Variants in PCNX1 observed in about 807,000 individuals in gnomAD.
The protein encoded by PCNX1 is pecanex 1.
Under a neutral mutation model 242.2 loss-of-function variants are expected in PCNX1, and 78 were observed. The ratio of observed to expected loss-of-function variants is 0.32; its 90% CI spans 0.27 to 0.39. PCNX1 has a LOEUF of 0.39. Among genes scored for constraint, PCNX1 ranks in the 10% least tolerant of loss-of-function variants. PCNX1 has a pLI of 1.00. For missense variants in PCNX1, 2,581 were observed against 2,856.5 expected, an observed-to-expected ratio of 0.90 and a Z score of 2.20; for synonymous variants, 1,024 against 1,032.9, an observed-to-expected ratio of 0.99 and a Z score of 0.17.
intron 1 of PCNX1, among the ~76,000 whole-genome samples, chr14:70,912,026 G>T (rs1472066416): frequency 6.6e-6 from 1 of 152,072 alleles, no homozygotes; most frequent in Non-Finnish European, 1.5e-5. Context: ...ACGAGGTCAG[G>T]AGATCCAGAC....
At chr14:70,974,541 T>C (rs761500098) in intron 5 of PCNX1, among the ~76,000 whole-genome samples, 45 of 152,214 alleles carry the variant, frequency 3.0e-4, no homozygotes, top group Non-Finnish European at 6.2e-4. Flanking sequence ...AATCGTTATT[T>C]ATAGGACATT....
chr14:71,031,631 A>G (rs535334927), intron 16 of PCNX1: 5 of 631,922 alleles, frequency 7.9e-6, no homozygotes, highest in Admixed American at 2.1e-5. Flanking sequence ...CTGCAGCTCA[A>G]CAGCTCTGTG....
intron 30 of PCNX1, among the ~76,000 whole-genome samples, chr14:71,097,953 A>G (rs2062340116): frequency 6.6e-6 from 1 of 152,136 alleles, no homozygotes; most frequent in Non-Finnish European, 1.5e-5. Context: ...TCTTGAGTTA[A>G]TATTTGTATA....
rs1297824810 is a variant in PCNX1, at chr14:71,112,433, C to T, written c.*2498C>T. 6.6e-6 allele frequency: 1 copy of T among 151,678 alleles called. No individual in the cohort carries two copies. The highest frequency in any genetic ancestry group is 1.5e-5 in the Non-Finnish European group (1 of 67,884). 9.4% of individuals were successfully genotyped at this position (151,678 alleles called of 1,614,324 possible). On this transcript the variant is annotated 3_prime_UTR_variant, in exon 36 of 36. Transcript: ENST00000304743. ...TAAATTAGGAACCCTGAGAAGAAGC[C>T]CTGTTGTTTTTCTTAAGAGTCTAAA...
At chr14:71,040,355 A>G (rs989414861) in intron 19 of PCNX1, among the ~76,000 whole-genome samples, 1 of 152,058 alleles carries the variant, frequency 6.6e-6, no homozygotes, top group African/African-American at 2.4e-5. Flanking sequence ...TATGTAGATA[A>G]CTTTTTTTCT....
Position 71,019,096 on chromosome 14 carries a change from C to T in PCNX1, c.3084C>T (p.Phe1028=), listed in dbSNP as rs370994879. The T allele has an allele frequency of 3.7e-6, 6 of 1,613,444 alleles. No individual in the cohort carries two copies. The highest frequency in any genetic ancestry group is 5.1e-6 in the Non-Finnish European group (6 of 1,179,580). ...FLGSILLIQG[F]FRDIWVFQFC... ...GATCTATTCTTCTCATACAAGGATT[C>T]TTCAGAGATATCTGGGTCTTCCAGT... Residue 1028 remains phenylalanine, a synonymous_variant, in exon 12 of 36, where the codon TTC becomes TTT. Transcript: ENST00000304743.
At chr14:71,015,872 A>G (rs2059949998) in intron 11 of PCNX1, among the ~76,000 whole-genome samples, 1 of 152,142 alleles carries the variant, frequency 6.6e-6, no homozygotes, top group Non-Finnish European at 1.5e-5. Flanking sequence ...ACTCAACTCC[A>G]AGCTGCCTAC....
At chr14:71,046,487 A>G (rs1057291360) in intron 20 of PCNX1, among the ~76,000 whole-genome samples, 1 of 152,008 alleles carries the variant, frequency 6.6e-6, no homozygotes. Context: ...AGGTGATGCT[A>G]TTTTCAGATA....
In PCNX1 at chr14:71,113,413, T is replaced by C. The variant is rs1255167836; in HGVS notation, c.*3478T>C. On this transcript the variant is annotated 3_prime_UTR_variant, in exon 36 of 36. Transcript: ENST00000304743. ...TGTAAGTTTTTGTGTAGAAAACCCA[T>C]TAAGAAGATGTGTTTTTCTTTCTGA... 6.6e-6 allele frequency: 1 copy of C among 152,668 alleles called. No individual in the cohort carries two copies. The highest frequency in any genetic ancestry group is 1.5e-5 in the Non-Finnish European group (1 of 68,040). The allele number at this position is 152,668 out of a possible 1,614,324, so 9.5% of individuals were successfully genotyped here.
At chr14:70,943,990 A>C (rs985801969) in intron 1 of PCNX1, among the ~76,000 whole-genome samples, 5 of 152,150 alleles carry the variant, frequency 3.3e-5, no homozygotes, top group Non-Finnish European at 7.3e-5. Context: ...ATTTCAGAGG[A>C]TGTATGGAAG....
chr14:70,923,100 A>ACG (rs997822931), intron 1 of PCNX1, among the ~76,000 whole-genome samples: 3 of 92,032 alleles, frequency 3.3e-5, no homozygotes, highest in Non-Finnish European at 7.6e-5. Flanking sequence ...CCTAGTAGAC[A>ACG]CACACACGTC....
chr14:70,914,738 G>A (rs2056079232), intron 1 of PCNX1, among the ~76,000 whole-genome samples: 1 of 152,184 alleles, frequency 6.6e-6, no homozygotes, highest in Admixed American at 6.5e-5. Context: ...CTTTTTTAGG[G>A]AGATGCATGT....
At chr14:70,912,776 G>C (rs546145764) in intron 1 of PCNX1, among the ~76,000 whole-genome samples, 1 of 152,268 alleles carries the variant, frequency 6.6e-6, no homozygotes, top group African/African-American at 2.4e-5. Context: ...TTCTGCCTTT[G>C]TTTACAGTTT....
At chr14:71,005,198 T>G (rs1449997428) in intron 8 of PCNX1, among the ~76,000 whole-genome samples, 2 of 152,050 alleles carry the variant, frequency 1.3e-5, no homozygotes, top group Non-Finnish European at 2.9e-5. Flanking sequence ...TTTAGAAAAA[T>G]GAGTGATGTC....
At chr14:71,099,005 T>C (rs746481870) in intron 30 of PCNX1, among the ~76,000 whole-genome samples, 9 of 152,202 alleles carry the variant, frequency 5.9e-5, no homozygotes, top group Non-Finnish European at 8.8e-5. Context: ...AAATAATTTT[T>C]TTATTTCTGC....
At position 71,047,894 on chromosome 14, in the gene PCNX1, C is replaced by G; in HGVS notation, c.4248C>G (p.Ile1416Met). The change falls in exon 22 of 36, where the codon ATC becomes ATG. Residue 1416 changes from isoleucine (I) to methionine (M), a missense_variant. By Grantham distance (10) the Ile-to-Met change is conservative. Around this residue, in one of 9 missense-constraint regions of PCNX1, gnomAD observed 432 missense variants for 443.1 expected, o/e 0.97. Coordinates refer to ENST00000304743, the MANE Select transcript of PCNX1 (RefSeq NM_014982.3). Reference sequence around the variant, plus strand: ...CTACATATCAGTATGTTACAGTCATCTTTACTGTGCTGTTTTTCAAATTTG... The same window carrying G: ...CTACATATCAGTATGTTACAGTCATGTTTACTGTGCTGTTTTTCAAATTTG... The part of the protein sequence containing the change: ...SSPTYQYVTV[I>M]FTVLFFKFDY... 2.5e-6 allele frequency: 4 copies of G among 1,612,434 alleles called. No homozygotes were observed. The highest frequency in any genetic ancestry group is 1.7e-4 in the Middle Eastern group (1 of 6,048).
At chr14:70,922,315 C>G (rs1435752097) in intron 1 of PCNX1, among the ~76,000 whole-genome samples, 1 of 151,994 alleles carries the variant, frequency 6.6e-6, no homozygotes, top group Non-Finnish European at 1.5e-5. Flanking sequence ...TTTAAAAAAT[C>G]TTTAATAGGT....
chr14:70,991,609 G>C (rs2059169078), intron 7 of PCNX1, among the ~76,000 whole-genome samples: 2 of 152,130 alleles, frequency 1.3e-5, no homozygotes, highest in African/African-American at 4.8e-5. Flanking sequence ...CTAGTACAAA[G>C]GTTGCATATA....
intron 3 of PCNX1, among the ~76,000 whole-genome samples, chr14:70,966,975 A>G (rs1314648982): frequency 1.3e-5 from 2 of 152,272 alleles, no homozygotes; most frequent in Non-Finnish European, 2.9e-5. Context: ...GAAATTAGGA[A>G]AAACTAGAAG....
Sources: allele counts gnomAD v4.1 joint callset (sites outside exome capture counted in the v4.1 genomes callset), GRCh38; gene constraint gnomAD v4.1.1; regional missense constraint gnomAD v4.1.1; transcripts MANE v1.5; gene names NCBI Gene and HGNC (gene_info 2026-07-23, HGNC 2026-07-21).